The following ANAPC7 variants were observed in gnomAD, a reference collection of about 807,000 sequenced individuals.
ANAPC7 encodes the protein anaphase promoting complex subunit 7.
ANAPC7 carries 25 observed loss-of-function variants against 63.3 expected under a neutral mutation model. The ratio of observed to expected loss-of-function variants is 0.39; its 90% CI spans 0.29 to 0.55. The LOEUF (loss-of-function observed/expected upper bound fraction) is 0.55, where lower values mean the gene tolerates loss of function less well. ANAPC7 is among the 20% of genes least tolerant of loss of function. The pLI is 0.57. For synonymous variants in ANAPC7, 241 were observed against 251.7 expected, an observed-to-expected ratio of 0.96 and a Z score of 0.40; for missense variants, 516 against 691.7, an observed-to-expected ratio of 0.75 and a Z score of 2.85.
rs1028191528 is a variant in ANAPC7 at position 110,379,000 on chromosome 12, A to C, written c.1133-1383T>G. 2.6e-5 allele frequency: 4 copies of C among 152,012 alleles called. No homozygotes were observed. In the East Asian group the frequency reaches 7.7e-4, roughly 29 times the overall value. The allele number at this position is 152,012 out of a possible 1,614,324, so 9.4% of individuals were successfully genotyped here. Reference sequence around the variant, plus strand: ...CAGCCTCCCAAGTAGCTGGGACTACAGGCGTGCACCACCATGCCTGGCTAA... The same window carrying C: ...CAGCCTCCCAAGTAGCTGGGACTACCGGCGTGCACCACCATGCCTGGCTAA... On this transcript the variant is annotated intron_variant, in intron 8 of 10. Coordinates refer to ENST00000455511, the MANE Select transcript of ANAPC7 (RefSeq NM_016238.3).
intron 8 of ANAPC7, among the ~76,000 whole-genome samples, chr12:110,378,337 G>A (rs1454579536): frequency 1.3e-5 from 2 of 152,150 alleles, no homozygotes; most frequent in African/African-American, 2.4e-5. Context: ...CAGGTGATCC[G>A]CCCAGCTCAG....
chr12:110,401,995 G>A (rs1445155673), intron 1 of ANAPC7, among the ~76,000 whole-genome samples: 1 of 133,416 alleles, frequency 7.5e-6, no homozygotes, highest in Admixed American at 7.5e-5. Flanking sequence ...GGTCAATATA[G>A]TGAAACTCTG....
In ANAPC7 at chr12:110,395,399, T is replaced by C. The variant is rs190658674; in HGVS notation, c.289-179A>G. The stretch of plus-strand genomic sequence containing the variant: ...GTGCAAACATGATTTACTGCAGTCT[T>C]AGACTCCTAGTCTCAAGCGATCCTC... On this transcript the variant is annotated intron_variant, in intron 2 of 10. Transcript: ENST00000455511. Among the ~76,000 whole-genome samples the C allele has an allele frequency of 6.4e-4, 98 of 152,122 alleles. 1 individual carries two copies. The highest frequency in any genetic ancestry group is 6.8e-3 in the Middle Eastern group (2 of 294).
intron 4 of ANAPC7, 31 bp downstream of exon 4, chr12:110,388,481 T>C (rs1378336365): frequency 2.0e-6 from 3 of 1,529,908 alleles, no homozygotes; most frequent in Admixed American, 1.7e-5. Flanking sequence ...ACAGTAAACA[T>C]GCCATGAAAA....
At chr12:110,390,193 T>C (rs1882981620) in intron 3 of ANAPC7, among the ~76,000 whole-genome samples, 1 of 151,686 alleles carries the variant, frequency 6.6e-6, no homozygotes, top group Non-Finnish European at 1.5e-5. Context: ...CTCAGCCTCC[T>C]GAGTAGCTGG....
intron 1 of ANAPC7, among the ~76,000 whole-genome samples, chr12:110,398,376 A>G (rs919090082): frequency 6.6e-6 from 1 of 151,906 alleles, no homozygotes; most frequent in Admixed American, 6.6e-5. Context: ...AGATCATGCC[A>G]TTTGTACACC....
chr12:110,387,255 C>CAGAGAGAGACAGAGAGAGAGAG (rs1882563483), intron 5 of ANAPC7: 1 of 40,220 alleles, frequency 2.5e-5, no homozygotes, highest in Admixed American at 3.5e-4. Context: ...GACAGAGAGA[C>CAGAGAGAGACAGAGAGAGAGAG]AGAGAGAGAG....
chr12:110,387,993 G>T, intron 4 of ANAPC7, 101 bp from the exon 5 acceptor site: 3 of 1,281,418 alleles, frequency 2.3e-6, no homozygotes, highest in Non-Finnish European at 3.3e-6. Context: ...AAAGGCAACT[G>T]CTTCCCTATT....
chr12:110,384,232 TAGAA>T (rs756974166), intron 6 of ANAPC7, among the ~76,000 whole-genome samples: 11 of 148,408 alleles, frequency 7.4e-5, no homozygotes, highest in Admixed American at 2.7e-4. Context: ...TAAAATAAAA[TAGAA>T]AGAAAAAAAA....
chr12:110,374,142 C>T lies in ANAPC7; in HGVS notation c.*2G>A. 6.2e-7 allele frequency: 1 copy of T among 1,607,590 alleles called. No homozygotes were observed. The highest frequency in any genetic ancestry group is 1.3e-5 in the African/African-American group (1 of 75,032). On this transcript the variant is annotated 3_prime_UTR_variant, in exon 11 of 11. Coordinates refer to ENST00000455511, the MANE Select transcript of ANAPC7 (RefSeq NM_016238.3). ...CACTGCGGCCATGGAGCTGCCGCCCCCTCACTGCATGCCGAACCACTGCTC... is the reference window on the plus strand; with the variant it reads ...CACTGCGGCCATGGAGCTGCCGCCCTCTCACTGCATGCCGAACCACTGCTC...
intron 1 of ANAPC7, among the ~76,000 whole-genome samples, chr12:110,398,832 C>G (rs1240509659): frequency 6.6e-6 from 1 of 151,900 alleles, no homozygotes; most frequent in Non-Finnish European, 1.5e-5. Flanking sequence ...GTAATCCCAG[C>G]TATTCGGGAG....
At chr12:110,401,782 G>C (rs1034753486) in intron 1 of ANAPC7, among the ~76,000 whole-genome samples, 57 of 151,868 alleles carry the variant, frequency 3.8e-4, no homozygotes, top group African/African-American at 1.4e-3. Flanking sequence ...TCAGGAGATC[G>C]AGACCATCGT....
At chr12:110,395,313 C>A in intron 2 of ANAPC7, 93 bp from the exon 3 acceptor site, 2 of 1,267,614 alleles carry the variant, frequency 1.6e-6, no homozygotes, top group South Asian at 1.5e-5. Flanking sequence ...TATGACCCAG[C>A]AATTCTTTTT....
intron 1 of ANAPC7, 61 bp from the exon 2 acceptor site, chr12:110,396,513 C>A: frequency 7.5e-7 from 1 of 1,342,128 alleles, no homozygotes; most frequent in Non-Finnish European, 1.0e-6. Context: ...GCTCCCCCAG[C>A]TTCTTTTTTT....
At chr12:110,383,735 G>C (rs796343629) in intron 6 of ANAPC7, among the ~76,000 whole-genome samples, 32 of 151,460 alleles carry the variant, frequency 2.1e-4, no homozygotes, top group African/African-American at 7.8e-4. Context: ...AATTAGCTGG[G>C]CATGGTGGCG....
At chr12:110,393,425 A>G (rs1007360416) in intron 3 of ANAPC7, among the ~76,000 whole-genome samples, 4 of 152,170 alleles carry the variant, frequency 2.6e-5, no homozygotes, top group Admixed American at 6.5e-5. Context: ...TTTCACTTAA[A>G]AACAAAAACA....
Position 110,399,683 on chromosome 12 carries a change from T to C in ANAPC7, c.102-3231A>G, listed in dbSNP as rs145642626. Among the ~76,000 whole-genome samples the C allele has an allele frequency of 8.3e-3, 1,257 of 151,220 alleles. 1 individual carries two copies. Among genetic ancestry groups the C allele is most frequent in the Non-Finnish European group, 9.5e-3 (642 of 67,860 alleles). On this transcript the variant is annotated intron_variant, in intron 1 of 10. Coordinates refer to ENST00000455511, the MANE Select transcript of ANAPC7 (RefSeq NM_016238.3). ...GCTTATGCCTATAATCCTAGCTACT[T>C]AGAGGCTGAGGCAGGAGAATCGCTT...
Position 110,381,951 on chromosome 12 carries a change from G to GA in ANAPC7, c.936-4_936-3insT. 5.3e-6 allele frequency: 4 copies of GA among 748,614 alleles called. No homozygotes were observed. Among genetic ancestry groups the GA allele is most frequent in the South Asian group, 2.3e-5 (1 of 43,568 alleles). 46.4% of individuals were successfully genotyped at this position (748,614 alleles called of 1,614,324 possible). A position where few individuals can be genotyped will look rare whatever the true frequency, so the allele number is the denominator to read the frequency against. On this transcript the variant is annotated splice_polypyrimidine_tract_variant and splice_region_variant and intron_variant, in intron 7 of 10. Coordinates refer to ENST00000455511, the MANE Select transcript of ANAPC7 (RefSeq NM_016238.3). ...GTTTGCTATAGAAGCTGTGACAGCT[G>GA]GAGAAAAAAAAAAAAAAAAAAACAC...
At chr12:110,381,319 G>A (rs1182895867) in intron 8 of ANAPC7, among the ~76,000 whole-genome samples, 1 of 151,954 alleles carries the variant, frequency 6.6e-6, no homozygotes, top group Non-Finnish European at 1.5e-5. Context: ...AAGCTTCCCC[G>A]GATGATGTTT....
Sources: allele counts gnomAD v4.1 joint callset (sites outside exome capture counted in the v4.1 genomes callset), GRCh38; gene constraint gnomAD v4.1.1; transcripts MANE v1.5; gene names NCBI Gene and HGNC (gene_info 2026-07-23, HGNC 2026-07-21).